COL26A1: variants seen among roughly 807,000 people sequenced by gnomAD.
COL26A1 encodes collagen alpha-1(XXVI) chain.
In COL26A1, 41 loss-of-function variants were observed where a neutral mutation model predicts 59.3. The ratio of observed to expected loss-of-function variants is 0.69; its 90% CI spans 0.54 to 0.90. The LOEUF is 0.90. Among genes scored for constraint, COL26A1 ranks in the 40% least tolerant of loss-of-function variants. The pLI is 0.00. For synonymous variants in COL26A1, 266 were observed against 256.0 expected (o/e 1.04, Z -0.37); for missense variants, 612 against 602.3 (o/e 1.02, Z -0.17).
chr7:101,489,233 G>A (rs1429732940), intron 3 of COL26A1, among the ~76,000 whole-genome samples: 1 of 152,138 alleles, frequency 6.6e-6, no homozygotes, highest in African/African-American at 2.4e-5. Context: ...GGGATTGGAG[G>A]AGCTGTGGTT....
chr7:101,542,932 A>G (rs931812655), intron 5 of COL26A1, among the ~76,000 whole-genome samples: 1 of 152,214 alleles, frequency 6.6e-6, no homozygotes, highest in Non-Finnish European at 1.5e-5. Context: ...GGCCCACGAA[A>G]GCGCATGCCT....
intron 3 of COL26A1, among the ~76,000 whole-genome samples, chr7:101,497,076 A>G (rs943720509): frequency 6.6e-6 from 1 of 151,798 alleles, no homozygotes; most frequent in Non-Finnish European, 1.5e-5. Context: ...CGTCTCTACT[A>G]AAAATACAAA....
chr7:101,540,168 G>T, intron 5 of COL26A1, 119 bp downstream of exon 5: 2 of 1,053,540 alleles, frequency 1.9e-6, no homozygotes, highest in Non-Finnish European at 2.6e-6. Context: ...ATGCCATGTG[G>T]CATTTTGAAA....
Position 101,538,986 on chromosome 7 carries a change from C to T in COL26A1, c.448-907C>T, listed in dbSNP as rs546212940. 9.3e-4 allele frequency among the ~76,000 whole-genome samples: 141 copies of T among 152,352 alleles called. 1 individual carries two copies. The highest frequency in any genetic ancestry group is 1.7e-3 in the Non-Finnish European group (116 of 68,030). On this transcript the variant is annotated intron_variant, in intron 4 of 12. Coordinates refer to ENST00000313669, the MANE Select transcript of COL26A1 (RefSeq NM_001278563.3). ...TGAGCCTATTTCTGGCACACAGCGC[C>T]CCCTGCTGGCCTCTTCGGGGGCAGC...
intron 2 of COL26A1, among the ~76,000 whole-genome samples, chr7:101,427,365 T>C (rs911644258): frequency 2.6e-5 from 4 of 152,030 alleles, no homozygotes; most frequent in Admixed American, 1.3e-4. Flanking sequence ...ACCTGGTTAA[T>C]TAAAAATTTT....
In COL26A1 at chr7:101,420,027, A is replaced by G. The variant is rs984148271; in HGVS notation, c.209A>G (p.Asn70Ser). 7 of 1,613,320 alleles carry G rather than the reference A, an allele frequency of 4.3e-6. No homozygotes were observed. The highest frequency in any genetic ancestry group is 5.9e-6 in the Non-Finnish European group (7 of 1,179,862). The change falls in exon 2 of 13, where the codon AAT becomes AGT. Residue 70 changes from asparagine (N) to serine (S), a missense_variant. Coordinates refer to ENST00000313669, the MANE Select transcript of COL26A1 (RefSeq NM_001278563.3). Reference sequence around the variant, plus strand: ...CGGACGGTGTCCTGCCAGGTGCAGAATGGCTCGGAGACGGTGGTCCAGCGC... The same window carrying G: ...CGGACGGTGTCCTGCCAGGTGCAGAGTGGCTCGGAGACGGTGGTCCAGCGC... ...VTRTVSCQVQ[N>S]GSETVVQRVY... is the part of the protein sequence containing the mutation.
intron 1 of COL26A1, among the ~76,000 whole-genome samples, chr7:101,417,444 C>T (rs952402077): frequency 6.6e-6 from 1 of 150,420 alleles, no homozygotes; most frequent in African/African-American, 2.4e-5. Flanking sequence ...TCAGCCAGCA[C>T]CCACTCCTGT....
Position 101,544,109 on chromosome 7 carries a change from C to T in COL26A1, c.703+13C>T. 6.3e-7 allele frequency: 1 copy of T among 1,584,426 alleles called. No individual in the cohort carries two copies. The highest frequency in any genetic ancestry group is 8.6e-7 in the Non-Finnish European group (1 of 1,163,194). On this transcript the variant is annotated intron_variant, in intron 6 of 12. Transcript: ENST00000313669. ...GCGGGGCCGCCTGGTAAGAAAACCCCCCACATATGTGATGTTGTCAACCTG... is the reference window on the plus strand; with the variant it reads ...GCGGGGCCGCCTGGTAAGAAAACCCTCCACATATGTGATGTTGTCAACCTG...
chr7:101,547,293 C>A, intron 8 of COL26A1, 54 bp downstream of exon 8: 1 of 1,323,036 alleles, frequency 7.6e-7, no homozygotes, highest in Non-Finnish European at 1.1e-6. Context: ...CCAGGGCTGG[C>A]CTGAGCCATG....
At position 101,441,702 on chromosome 7, in the gene COL26A1, G is replaced by A. The variant is rs145198248; in HGVS notation, c.282-5982G>A. Among the ~76,000 whole-genome samples, 3 of 152,280 alleles carry A rather than the reference G, an allele frequency of 2.0e-5. No homozygotes were observed. The East Asian group carries it at 5.8e-4, about 29-fold the overall frequency. On this transcript the variant is annotated intron_variant, in intron 2 of 12. Coordinates refer to ENST00000313669, the MANE Select transcript of COL26A1 (RefSeq NM_001278563.3). ...GTGAGAGTGTCTGGTGCATCTGGAG[G>A]GCTCCCGCCTGGTGGGTGAGGGCCA...
At chr7:101,522,722 C>T (rs1447496491) in intron 3 of COL26A1, among the ~76,000 whole-genome samples, 2 of 151,868 alleles carry the variant, frequency 1.3e-5, no homozygotes, top group African/African-American at 4.8e-5. Flanking sequence ...TTATTAGAGA[C>T]TGCCAAAGGG....
At chr7:101,476,990 T>C (rs1188483948) in intron 3 of COL26A1, among the ~76,000 whole-genome samples, 2 of 151,840 alleles carry the variant, frequency 1.3e-5, no homozygotes, top group Non-Finnish European at 2.9e-5. Flanking sequence ...ATTACAGGCA[T>C]GCACCACCAC....
chr7:101,499,879 TAAA>T (rs35539371), intron 3 of COL26A1, among the ~76,000 whole-genome samples: 5 of 79,694 alleles, frequency 6.3e-5, no homozygotes, highest in Admixed American at 2.3e-4. Context: ...GTCCCTGCCT[TAAA>T]AAAAAAAAAA....
Position 101,489,726 on chromosome 7 carries a change from TCTCTCTC to T in COL26A1, c.385+41940_385+41946del, listed in dbSNP as rs1794369626. On this transcript the variant is annotated intron_variant, in intron 3 of 12. Transcript: ENST00000313669. ...CTTTCTTTCTTTCATTCTTTCTTTC[TCTCTCTC>T]TTTCTCTCTTTCTTTCTTGTCTCTC... is the stretch of plus-strand genomic sequence containing the variant. Among the ~76,000 whole-genome samples, 33 of 90,996 alleles carry T rather than the reference TCTCTCTC, an allele frequency of 3.6e-4. 6 individuals carry two copies. The highest frequency in any genetic ancestry group is 5.1e-4 in the Non-Finnish European group (25 of 48,810). 59.7% of individuals were successfully genotyped at this position (90,996 alleles called of 152,430 possible).
intron 1 of COL26A1, among the ~76,000 whole-genome samples, chr7:101,383,072 C>CTT (rs1562956101): frequency 6.6e-6 from 1 of 152,044 alleles, no homozygotes; most frequent in Non-Finnish European, 1.5e-5. Flanking sequence ...GAATTACATG[C>CTT]TTATAACATT....
At chr7:101,387,759 TATATATATATATATA>T (rs1273690967) in intron 1 of COL26A1, among the ~76,000 whole-genome samples, 72 of 44,320 alleles carry the variant, frequency 1.6e-3, no homozygotes, top group East Asian at 0.012. Context: ...TATATTTATA[TATATATATATATATA>T]TATATTTTTT....
chr7:101,373,786 T>C (rs770917079), intron 1 of COL26A1, among the ~76,000 whole-genome samples: 2 of 152,196 alleles, frequency 1.3e-5, no homozygotes, highest in South Asian at 2.1e-4. Context: ...TTAATATCAG[T>C]GAGACCTTGT....
intron 5 of COL26A1, 38 bp downstream of exon 5, chr7:101,540,087 C>G: frequency 6.3e-7 from 1 of 1,578,280 alleles, no homozygotes; most frequent in Admixed American, 1.8e-5. Context: ...CTGGGGCAGC[C>G]GAAGGGACCT....
At position 101,530,308 on chromosome 7, in the gene COL26A1, C is replaced by T. The variant is rs1795337588; in HGVS notation, c.386-2774C>T. 2.0e-5 allele frequency among the ~76,000 whole-genome samples: 3 copies of T among 152,030 alleles called. No individual in the cohort carries two copies. The South Asian group carries it at 6.2e-4, about 32-fold the overall frequency. ...ACTAGGCTGGGCGTGGTGGCTCTCA[C>T]TTGTAATCCCAGCACTTTGGGAGGC... On this transcript the variant is annotated intron_variant, in intron 3 of 12. Coordinates refer to ENST00000313669, the MANE Select transcript of COL26A1 (RefSeq NM_001278563.3).
Sources: allele counts gnomAD v4.1 joint callset (sites outside exome capture counted in the v4.1 genomes callset), GRCh38; gene constraint gnomAD v4.1.1; transcripts MANE v1.5; gene names NCBI Gene and HGNC (gene_info 2026-07-23, HGNC 2026-07-21).